VIPR2: variants seen among roughly 807,000 people sequenced by gnomAD.
VIPR2 encodes vasoactive intestinal peptide receptor 2, also known as vasoactive intestinal polypeptide receptor 2.
Under a neutral mutation model 58.0 loss-of-function variants are expected in VIPR2, and 48 were observed. The ratio of observed to expected loss-of-function variants is 0.83; its 90% CI spans 0.66 to 1.05. VIPR2 has a LOEUF of 1.05. VIPR2 is among the 50% of genes least tolerant of loss of function. VIPR2 has a pLI of 0.00. For synonymous variants in VIPR2, 243 were observed against 235.2 expected (o/e 1.03, Z -0.30); for missense variants, 534 against 558.0 (o/e 0.96, Z 0.43).
At chr7:159,125,396 G>A (rs533557200) in intron 2 of VIPR2, among the ~76,000 whole-genome samples, 1 of 152,268 alleles carries the variant, frequency 6.6e-6, no homozygotes, top group South Asian at 2.1e-4. Flanking sequence ...CCTGGGTGAG[G>A]AGGACACAAG....
intron 4 of VIPR2, among the ~76,000 whole-genome samples, chr7:159,080,281 G>C (rs567613298): frequency 6.6e-6 from 1 of 152,252 alleles, no homozygotes; most frequent in East Asian, 1.9e-4. Context: ...GATAAAGTGG[G>C]CTTCATCCCC....
At chr7:159,083,546 A>C (rs1408836050) in intron 4 of VIPR2, among the ~76,000 whole-genome samples, 2 of 152,182 alleles carry the variant, frequency 1.3e-5, no homozygotes. Flanking sequence ...ACGCGGGTTC[A>C]ACAGCTTTCC....
intron 2 of VIPR2, among the ~76,000 whole-genome samples, chr7:159,131,526 T>C (rs1458905048): frequency 6.6e-6 from 1 of 152,230 alleles, no homozygotes; most frequent in East Asian, 1.9e-4. Context: ...TCTCAGCATG[T>C]GGCCATTTGC....
In VIPR2 at chr7:159,076,542, T is replaced by G. The variant is rs896717922; in HGVS notation, c.358-17964A>C. On this transcript the variant is annotated intron_variant, in intron 4 of 12. Coordinates refer to ENST00000262178, the MANE Select transcript of VIPR2 (RefSeq NM_003382.5). ...TTATAAACTAGCAAGTTTTGTATTA[T>G]TGTACCAGACACATGACTGAAATTT... Among the ~76,000 whole-genome samples, 2 of 152,248 alleles carry G rather than the reference T, an allele frequency of 1.3e-5. 1 individual carries two copies. The highest frequency in any genetic ancestry group is 3.8e-4 in the East Asian group (2 of 5,196).
chr7:159,101,441 G>T (rs111858059), intron 4 of VIPR2, among the ~76,000 whole-genome samples: 1 of 123,390 alleles, frequency 8.1e-6, no homozygotes, highest in African/African-American at 3.6e-5. Flanking sequence ...AGGCGGTTCC[G>T]ACTGTTCCTG....
intron 2 of VIPR2, among the ~76,000 whole-genome samples, chr7:159,113,742 G>T (rs1397037897): frequency 1.3e-5 from 2 of 152,236 alleles, no homozygotes; most frequent in Non-Finnish European, 2.9e-5. Context: ...AATGTGAAGT[G>T]AGTCTATCAG....
chr7:159,035,909 T>G lies in VIPR2; in HGVS notation c.809+43A>C, dbSNP rs760476053. ...CAAAGGACTTCATGTTGCCAGATGT[T>G]GCCGGGCCCGTTTTCGAGGTTGCAG... On this transcript the variant is annotated intron_variant, in intron 8 of 12. Coordinates refer to ENST00000262178, the MANE Select transcript of VIPR2 (RefSeq NM_003382.5). 9.4e-6 allele frequency: 15 copies of G among 1,600,740 alleles called. 1 individual carries two copies. In the South Asian group the frequency reaches 1.7e-4, roughly 18 times the overall value.
At position 159,031,443 on chromosome 7, in the gene VIPR2, G is replaced by A. The variant is rs1585318386; in HGVS notation, c.1143+385C>T. The A allele has an allele frequency of 1.0e-6, 1 of 985,376 alleles. No individual in the cohort carries two copies. Among genetic ancestry groups the A allele is most frequent in the Middle Eastern group, 5.2e-4 (1 of 1,914 alleles). The allele number at this position is 985,376 out of a possible 1,614,324, so 61.0% of individuals were successfully genotyped here. On this transcript the variant is annotated intron_variant, in intron 12 of 12. Transcript: ENST00000262178. The surrounding 1 kb of genome is among the most constrained non-coding windows in gnomAD (Gnocchi z 4.0). ...GGGCTTCCTCCCCAGGGACTCACAGGACGCTGTGCAGCCCCACCCCCCAAC... is the reference window on the plus strand; with the variant it reads ...GGGCTTCCTCCCCAGGGACTCACAGAACGCTGTGCAGCCCCACCCCCCAAC...
At chr7:159,089,706 ACAACAACAACAG>A (rs1299422702) in intron 4 of VIPR2, among the ~76,000 whole-genome samples, 1 of 152,218 alleles carries the variant, frequency 6.6e-6, no homozygotes, top group African/African-American at 2.4e-5. Context: ...TAAAACAACA[ACAACAACAACAG>A]CAAAAACCTG....
intron 4 of VIPR2, among the ~76,000 whole-genome samples, chr7:159,064,473 G>A (rs1040118490): frequency 2.0e-5 from 3 of 152,146 alleles, no homozygotes; most frequent in African/African-American, 7.2e-5. Flanking sequence ...GGATGATGGC[G>A]GGGTGAAAAT....
intron 3 of VIPR2, among the ~76,000 whole-genome samples, chr7:159,108,826 C>T (rs552912591): frequency 6.6e-6 from 1 of 152,214 alleles, no homozygotes; most frequent in Non-Finnish European, 1.5e-5. Flanking sequence ...AGTAGAAATG[C>T]TACTGATTGG....
At chr7:159,043,594 G>A (rs2540359) in intron 5 of VIPR2, among the ~76,000 whole-genome samples, 111,804 of 152,090 alleles carry the variant, frequency 0.74, 41,771 homozygotes, top group East Asian at 0.82. Context: ...TTAGCCGGGG[G>A]AAGGCCCTGA....
intron 4 of VIPR2, among the ~76,000 whole-genome samples, chr7:159,071,142 A>T (rs978360309): frequency 1.3e-5 from 2 of 152,166 alleles, no homozygotes; most frequent in Admixed American, 1.3e-4. Context: ...CATTCATTCA[A>T]CCTCCTGTAA....
intron 4 of VIPR2, among the ~76,000 whole-genome samples, chr7:159,064,243 G>A (rs945632248): frequency 4.6e-5 from 7 of 151,984 alleles, no homozygotes; most frequent in African/African-American, 7.2e-5. Context: ...CGCATTTCAC[G>A]GGAGCCCCGG....
chr7:159,073,104 T>C (rs1228057637), intron 4 of VIPR2, among the ~76,000 whole-genome samples: 3 of 152,214 alleles, frequency 2.0e-5, no homozygotes, highest in African/African-American at 7.2e-5. Flanking sequence ...TTCCAGAACA[T>C]AGTAACAAAT....
intron 2 of VIPR2, among the ~76,000 whole-genome samples, chr7:159,125,165 T>C (rs1796607673): frequency 3.3e-5 from 5 of 152,194 alleles, no homozygotes; most frequent in Admixed American, 3.3e-4. Flanking sequence ...GGACTTCCAA[T>C]AGCATGTTGA....
At chr7:159,088,320 T>C (rs1420059157) in intron 4 of VIPR2, among the ~76,000 whole-genome samples, 1 of 151,832 alleles carries the variant, frequency 6.6e-6, no homozygotes, top group Non-Finnish European at 1.5e-5. Flanking sequence ...AGCACACCTG[T>C]ACACCACAAT....
At chr7:159,089,450 T>C (rs577821658) in intron 4 of VIPR2, among the ~76,000 whole-genome samples, 1 of 151,552 alleles carries the variant, frequency 6.6e-6, no homozygotes, top group African/African-American at 2.4e-5. Flanking sequence ...GGAATGGGAA[T>C]AGCCTCAGGC....
At chr7:159,050,519 T>G (rs1854934674) in intron 5 of VIPR2, among the ~76,000 whole-genome samples, 1 of 151,840 alleles carries the variant, frequency 6.6e-6, no homozygotes, top group African/African-American at 2.4e-5. Context: ...AATTTAAAAC[T>G]TAAAAAACCT....
Sources: gnomAD v4.1 joint callset for allele counts (sites outside exome capture counted in the v4.1 genomes callset) on GRCh38, gnomAD v4.1.1 for gene constraint, Gnocchi (gnomAD v3.1) non-coding constraint, MANE v1.5 for transcripts, NCBI Gene and HGNC (gene_info 2026-07-23, HGNC 2026-07-21) for gene names.